The following CHCHD6 variants were observed in gnomAD, a reference collection of about 807,000 sequenced individuals.
CHCHD6 encodes the protein MICOS complex subunit MIC25.
In CHCHD6, 28 loss-of-function variants were observed where a neutral mutation model predicts 32.3. The observed-to-expected ratio is 0.87, with a 90% CI of 0.64 to 1.19. The LOEUF is 1.19. Ranked by LOEUF, CHCHD6 falls within the 50% of genes most tolerant of loss-of-function variation. The probability of loss-of-function intolerance (pLI) is 0.00; values close to 1 mark genes in which losing one functional copy is unlikely to be tolerated. For missense variants in CHCHD6, 333 were observed against 307.0 expected, an observed-to-expected ratio of 1.08 and a Z score of -0.63; for synonymous variants, 122 against 117.5, an observed-to-expected ratio of 1.04 and a Z score of -0.25.
At chr3:126,892,703 A>C (rs192160146) in intron 5 of CHCHD6, among the ~76,000 whole-genome samples, 1 of 152,190 alleles carries the variant, frequency 6.6e-6, no homozygotes, top group South Asian at 2.1e-4. Context: ...CATATGAGAC[A>C]TGAGTTTAGA....
At chr3:126,777,940 A>G (rs190834324) in intron 4 of CHCHD6, among the ~76,000 whole-genome samples, 29 of 152,142 alleles carry the variant, frequency 1.9e-4, no homozygotes, top group African/African-American at 6.5e-4. Context: ...ATTTCCCACA[A>G]CCCTTAGTCC....
At chr3:126,826,026 A>G (rs1269004822) in intron 4 of CHCHD6, among the ~76,000 whole-genome samples, 1 of 152,226 alleles carries the variant, frequency 6.6e-6, no homozygotes, top group Non-Finnish European at 1.5e-5. Context: ...TCATAATTCT[A>G]GATTTTGGTA....
chr3:126,865,359 C>G (rs947885574), intron 5 of CHCHD6, among the ~76,000 whole-genome samples: 1 of 146,490 alleles, frequency 6.8e-6, no homozygotes, highest in Non-Finnish European at 1.5e-5. Flanking sequence ...CCTTCTGCCC[C>G]CACCACCACC....
chr3:126,736,065 G>A (rs1332494949), intron 4 of CHCHD6, among the ~76,000 whole-genome samples: 1 of 152,196 alleles, frequency 6.6e-6, no homozygotes, highest in African/African-American at 2.4e-5. Context: ...AAAGAAGGGG[G>A]GCTCCCTTTG....
At chr3:126,719,660 C>T (rs1559802574) in intron 1 of CHCHD6, among the ~76,000 whole-genome samples, 2 of 152,188 alleles carry the variant, frequency 1.3e-5, no homozygotes, top group Non-Finnish European at 2.9e-5. Context: ...AGTGTGTTTA[C>T]TGGGTATCGT....
At chr3:126,885,569 CTG>C (rs2077668302) in intron 5 of CHCHD6, among the ~76,000 whole-genome samples, 1 of 152,188 alleles carries the variant, frequency 6.6e-6, no homozygotes, top group African/African-American at 2.4e-5. Flanking sequence ...CAAAATGTGA[CTG>C]AGTTCATATT....
chr3:126,734,322 A>G (rs970382551), intron 4 of CHCHD6, among the ~76,000 whole-genome samples: 3 of 152,172 alleles, frequency 2.0e-5, no homozygotes, highest in Non-Finnish European at 4.4e-5. Context: ...ATCTAATAAC[A>G]TCTGCTGGAG....
At chr3:126,772,708 A>G (rs553718753) in intron 4 of CHCHD6, among the ~76,000 whole-genome samples, 2 of 152,164 alleles carry the variant, frequency 1.3e-5, no homozygotes, top group Non-Finnish European at 2.9e-5. Context: ...GTGCCTTTCA[A>G]TGGGGTATTT....
chr3:126,728,695 G>A (rs555131978), intron 2 of CHCHD6, among the ~76,000 whole-genome samples: 4 of 152,316 alleles, frequency 2.6e-5, no homozygotes, highest in East Asian at 1.9e-4. Context: ...TGATAAAAGC[G>A]AAAATTGCCA....
intron 1 of CHCHD6, among the ~76,000 whole-genome samples, chr3:126,705,544 A>AT (rs1325849788): frequency 6.6e-6 from 1 of 152,226 alleles, no homozygotes; most frequent in East Asian, 1.9e-4. Context: ...GAGAGCTGGG[A>AT]TTGAAACAAG....
intron 6 of CHCHD6, chr3:126,935,119 C>T (rs887588917): frequency 2.0e-6 from 2 of 987,604 alleles, no homozygotes; most frequent in Non-Finnish European, 2.4e-6. Flanking sequence ...GCACGAATCA[C>T]CTGCTGTCTC....
Position 126,960,375 on chromosome 3 carries a change from A to G in CHCHD6, c.*174A>G. ...AGTATGCGCTACTGTCTGAAAACAA[A>G]TAAAGCAGATGCCTTTGTTTTCAGT... On this transcript the variant is annotated 3_prime_UTR_variant, in exon 8 of 8. Coordinates refer to ENST00000290913, the MANE Select transcript of CHCHD6 (RefSeq NM_032343.3). 1 of 702,692 alleles carries G rather than the reference A, an allele frequency of 1.4e-6. No individual in the cohort carries two copies. The highest frequency in any genetic ancestry group is 2.4e-6 in the Non-Finnish European group (1 of 412,218). 43.5% of individuals were successfully genotyped at this position (702,692 alleles called of 1,614,324 possible). A position where few individuals can be genotyped will look rare whatever the true frequency, so the allele number is the denominator to read the frequency against.
chr3:126,768,848 G>T (rs1221596895), intron 4 of CHCHD6, among the ~76,000 whole-genome samples: 1 of 152,070 alleles, frequency 6.6e-6, no homozygotes, highest in Non-Finnish European at 1.5e-5. Context: ...TATGCTCATT[G>T]GCTGCATGTA....
intron 4 of CHCHD6, among the ~76,000 whole-genome samples, chr3:126,792,871 A>G (rs913765165): frequency 5.9e-5 from 9 of 152,082 alleles, no homozygotes; most frequent in Non-Finnish European, 1.3e-4. Flanking sequence ...AGATTTGCCT[A>G]CTTCTCCCTG....
chr3:126,808,853 G>A (rs557961579), intron 4 of CHCHD6, among the ~76,000 whole-genome samples: 2 of 152,222 alleles, frequency 1.3e-5, no homozygotes, highest in East Asian at 3.9e-4. Flanking sequence ...GCTTTCCTGG[G>A]CATTTTTCTA....
At chr3:126,790,402 A>G (rs1410477289) in intron 4 of CHCHD6, among the ~76,000 whole-genome samples, 1 of 152,198 alleles carries the variant, frequency 6.6e-6, no homozygotes, top group Non-Finnish European at 1.5e-5. Flanking sequence ...CTCCTGGGTA[A>G]AATAGTGCAG....
At chr3:126,815,295 T>C (rs899533472) in intron 4 of CHCHD6, among the ~76,000 whole-genome samples, 6 of 152,188 alleles carry the variant, frequency 3.9e-5, no homozygotes, top group African/African-American at 1.4e-4. Context: ...CCAGTGGATG[T>C]CTCTCTGAGC....
At chr3:126,737,037 TTGGCTGGGCGC>T (rs1936074614) in intron 4 of CHCHD6, among the ~76,000 whole-genome samples, 1 of 152,176 alleles carries the variant, frequency 6.6e-6, no homozygotes, top group Non-Finnish European at 1.5e-5. Flanking sequence ...AAAAACTTTC[TTGGCTGGGCGC>T]GGTGGCTCAC....
intron 6 of CHCHD6, among the ~76,000 whole-genome samples, chr3:126,942,689 G>A (rs770884147): frequency 5.3e-5 from 8 of 152,102 alleles, no homozygotes; most frequent in East Asian, 1.9e-4. Context: ...GGAGTCAGCC[G>A]TTTCTCCCAG....
Sources: gnomAD v4.1 joint callset for allele counts (sites outside exome capture counted in the v4.1 genomes callset) on GRCh38, gnomAD v4.1.1 for gene constraint, MANE v1.5 for transcripts, NCBI Gene and HGNC (gene_info 2026-07-23, HGNC 2026-07-21) for gene names.